PHACTR3: variants seen among roughly 807,000 people sequenced by gnomAD.
PHACTR3 encodes the protein phosphatase and actin regulator 3.
Under a neutral mutation model 66.8 loss-of-function variants are expected in PHACTR3, and 16 were observed. That is an observed-to-expected ratio of 0.24 (90% CI 0.16 to 0.36). The LOEUF is 0.36. PHACTR3 is among the 10% of genes least tolerant of loss of function. The probability of loss-of-function intolerance (pLI) is 1.00; values close to 1 mark genes in which losing one functional copy is unlikely to be tolerated. For missense variants in PHACTR3, 647 were observed against 719.9 expected (o/e 0.90, Z 1.16); for synonymous variants, 323 against 292.1 (o/e 1.11, Z -1.08).
At chr20:59,750,262 A>G (rs912616501) in intron 3 of PHACTR3, among the ~76,000 whole-genome samples, 3 of 152,020 alleles carry the variant, frequency 2.0e-5, no homozygotes, top group Non-Finnish European at 2.9e-5. Context: ...AAAGGTGGGC[A>G]GGAGGACCTA....
chr20:59,604,101 T>A (rs1742169446), upstream of PHACTR3, among the ~76,000 whole-genome samples: 1 of 151,902 alleles, frequency 6.6e-6, no homozygotes, highest in African/African-American at 2.4e-5. Flanking sequence ...GAGCGAGGGT[T>A]CGGAGGGTCC....
At chr20:59,593,317 A>C (rs1373326946) in intron 1 of PHACTR3, among the ~76,000 whole-genome samples, 2 of 152,192 alleles carry the variant, frequency 1.3e-5, no homozygotes, top group Non-Finnish European at 2.9e-5. Context: ...TGGGTGATCT[A>C]TTCAGGCTTT....
At chr20:59,609,548 T>G (rs2033787085) in intron 1 of PHACTR3, among the ~76,000 whole-genome samples, 1 of 139,720 alleles carries the variant, frequency 7.2e-6, no homozygotes, top group African/African-American at 2.6e-5. Flanking sequence ...CAACACTGAG[T>G]CTTGGTTCTC....
intron 7 of PHACTR3, among the ~76,000 whole-genome samples, chr20:59,791,121 C>T (rs962555939): frequency 2.0e-5 from 3 of 152,080 alleles, no homozygotes; most frequent in African/African-American, 7.2e-5. Context: ...ATTTAATTGC[C>T]ATTATAACAG....
chr20:59,658,953 CTTTTT>C (rs764286425), intron 1 of PHACTR3, among the ~76,000 whole-genome samples: 1 of 131,262 alleles, frequency 7.6e-6, no homozygotes, highest in East Asian at 2.2e-4. Flanking sequence ...GCTTACTTGT[CTTTTT>C]TTTTTTTTTT....
intron 8 of PHACTR3, among the ~76,000 whole-genome samples, chr20:59,821,573 A>G (rs936857805): frequency 6.6e-6 from 1 of 152,248 alleles, no homozygotes; most frequent in Admixed American, 6.5e-5. Flanking sequence ...GAATAGGACC[A>G]GCATTCAGGC....
At chr20:59,706,410 A>G (rs182239485) in intron 1 of PHACTR3, among the ~76,000 whole-genome samples, 1 of 152,180 alleles carries the variant, frequency 6.6e-6, no homozygotes, top group African/African-American at 2.4e-5. Flanking sequence ...CTCTGATTCA[A>G]TGTGGCCAGT....
At chr20:59,603,646 C>T (rs1466885726), upstream of PHACTR3, 1 of 152,286 alleles carries the variant, frequency 6.6e-6, no homozygotes, top group Non-Finnish European at 1.5e-5. Context: ...CCTTCCAGCA[C>T]CTGCAAAGGG....
At chr20:59,728,101 G>T (rs73915091) in intron 1 of PHACTR3, among the ~76,000 whole-genome samples, 1 of 152,090 alleles carries the variant, frequency 6.6e-6, no homozygotes, top group Non-Finnish European at 1.5e-5. Flanking sequence ...CATGATATTG[G>T]CATCTGCCAC....
Position 59,773,147 on chromosome 20 carries a change from C to G in PHACTR3, c.752-132C>G, listed in dbSNP as rs113535096. 9.4e-3 allele frequency: 9,125 copies of G among 975,104 alleles called. 126 individuals are homozygous for G. Among genetic ancestry groups the G allele is most frequent in the Non-Finnish European group, 8.9e-3 (5,777 of 647,362 alleles). 60.4% of individuals were successfully genotyped at this position (975,104 alleles called of 1,614,324 possible). A position where few individuals can be genotyped will look rare whatever the true frequency, so the allele number is the denominator to read the frequency against. On this transcript the variant is annotated intron_variant, in intron 5 of 12. Transcript: ENST00000371015. ...GGGAGCAGGGATCCCGGTCCAGCATCTTGGCATTAGTTGGGGCCCCTCCTG... is the reference window on the plus strand; with the variant it reads ...GGGAGCAGGGATCCCGGTCCAGCATGTTGGCATTAGTTGGGGCCCCTCCTG...
chr20:59,641,841 T>C (rs1288488167), intron 1 of PHACTR3, among the ~76,000 whole-genome samples: 1 of 152,260 alleles, frequency 6.6e-6, no homozygotes, highest in Non-Finnish European at 1.5e-5. Flanking sequence ...TGTTTCTGTA[T>C]ATACAAATAA....
chr20:59,716,315 C>T lies in PHACTR3; in HGVS notation c.119-26792C>T, dbSNP rs536148639. On this transcript the variant is annotated intron_variant, in intron 1 of 12. Transcript: ENST00000371015. Reference sequence around the variant, plus strand: ...AGGCTGGAGTGCAGTGGTGCGATCTCGATCTCAGCTCACTGCAACCTCTGC... The same window carrying T: ...AGGCTGGAGTGCAGTGGTGCGATCTTGATCTCAGCTCACTGCAACCTCTGC... Among the ~76,000 whole-genome samples the T allele has an allele frequency of 1.1e-4, 16 of 151,380 alleles. No individual in the cohort carries two copies. In the East Asian group the frequency reaches 1.2e-3, roughly 11 times the overall value.
chr20:59,606,310 C>T (rs111485424), intron 1 of PHACTR3, among the ~76,000 whole-genome samples: 23 of 151,406 alleles, frequency 1.5e-4, no homozygotes, highest in African/African-American at 2.9e-4. Context: ...CCCTCCCCCC[C>T]CCATTTGAAA....
At chr20:59,802,237 G>A (rs2146986335) in intron 7 of PHACTR3, among the ~76,000 whole-genome samples, 1 of 152,316 alleles carries the variant, frequency 6.6e-6, no homozygotes, top group African/African-American at 2.4e-5. Context: ...CGAGCCAGTA[G>A]CAGTTGGTTC....
chr20:59,831,632 C>T (rs1222633351), intron 8 of PHACTR3, among the ~76,000 whole-genome samples: 1 of 152,180 alleles, frequency 6.6e-6, no homozygotes, highest in Admixed American at 6.5e-5. Flanking sequence ...CTACCCCGCC[C>T]CACCCCTCTG....
chr20:59,708,001 A>T (rs559818415), intron 1 of PHACTR3, among the ~76,000 whole-genome samples: 1 of 152,320 alleles, frequency 6.6e-6, no homozygotes. Flanking sequence ...TTTTCCTAAC[A>T]GTTCCAGAAA....
intron 1 of PHACTR3, among the ~76,000 whole-genome samples, chr20:59,649,772 C>A (rs2035400713): frequency 6.6e-6 from 1 of 152,092 alleles, no homozygotes; most frequent in South Asian, 2.1e-4. Context: ...CAAATTGTCC[C>A]TAACCACTCA....
intron 1 of PHACTR3, among the ~76,000 whole-genome samples, chr20:59,643,915 G>A (rs1055861523): frequency 6.6e-5 from 10 of 152,176 alleles, no homozygotes; most frequent in Admixed American, 4.6e-4. Context: ...CCTGCTTGGC[G>A]TTGTTTGGTG....
At chr20:59,834,874 G>T (rs922574382) in intron 8 of PHACTR3, among the ~76,000 whole-genome samples, 5 of 152,204 alleles carry the variant, frequency 3.3e-5, no homozygotes, top group Non-Finnish European at 5.9e-5. Flanking sequence ...CACACTGGAA[G>T]AATTGTCTTG....
Sources: allele counts gnomAD v4.1 joint callset (sites outside exome capture counted in the v4.1 genomes callset), GRCh38; gene constraint gnomAD v4.1.1; transcripts MANE v1.5; gene names NCBI Gene and HGNC (gene_info 2026-07-23, HGNC 2026-07-21).